Variants in PCDH9 observed in about 807,000 individuals in gnomAD.
The protein encoded by PCDH9 is protocadherin-9.
Under a neutral mutation model 70.6 loss-of-function variants are expected in PCDH9, and 24 were observed. That is an observed-to-expected ratio of 0.34 (90% confidence interval 0.25 to 0.48). The LOEUF (loss-of-function observed/expected upper bound fraction) is 0.48, where lower values mean the gene tolerates loss of function less well. PCDH9 is among the 20% of genes least tolerant of loss of function. The probability of loss-of-function intolerance (pLI) is 0.99; values close to 1 mark genes in which losing one functional copy is unlikely to be tolerated. For synonymous variants in PCDH9, 562 were observed against 558.5 expected (o/e 1.01, Z -0.09); for missense variants, 1,281 against 1,503.6 (o/e 0.85, Z 2.45).
rs75432155 is a variant in PCDH9, at chr13:66,498,943, G to A, written c.3340+132267C>T. Among the ~76,000 whole-genome samples the A allele has an allele frequency of 5.0e-3, 752 of 151,348 alleles. 32 individuals carry two copies. In the East Asian group the frequency reaches 0.092, roughly 18 times the overall value. The stretch of plus-strand genomic sequence containing the variant: ...TTCAGATTTAAACATCTAGGATGTC[G>A]TTCTCAAATGTCACATGGCAATAGT... On this transcript the variant is annotated intron_variant, in intron 4 of 4. Coordinates refer to ENST00000377865, the MANE Select transcript of PCDH9 (RefSeq NM_203487.3).
At chr13:66,987,412 A>T (rs142165401) in intron 2 of PCDH9, among the ~76,000 whole-genome samples, 30 of 152,174 alleles carry the variant, frequency 2.0e-4, no homozygotes, top group African/African-American at 6.7e-4. Context: ...CATGCTGTTG[A>T]TACATTAATT....
chr13:66,911,376 T>C (rs1279843424), intron 2 of PCDH9, among the ~76,000 whole-genome samples: 1 of 152,180 alleles, frequency 6.6e-6, no homozygotes, highest in African/African-American at 2.4e-5. Flanking sequence ...TTACTATACT[T>C]CTAACCTCTC....
At chr13:66,711,964 C>T (rs1045065922) in intron 3 of PCDH9, among the ~76,000 whole-genome samples, 11 of 152,156 alleles carry the variant, frequency 7.2e-5, no homozygotes, top group African/African-American at 2.7e-4. Flanking sequence ...TATGACATTG[C>T]ATGATCCCTT....
intron 4 of PCDH9, among the ~76,000 whole-genome samples, chr13:66,370,285 G>A (rs1385077948): frequency 1.3e-5 from 2 of 151,896 alleles, no homozygotes; most frequent in Non-Finnish European, 2.9e-5. Flanking sequence ...CTGTGGGAGA[G>A]TAGAAGCTTA....
In PCDH9 at chr13:66,407,815, G is replaced by GA. The variant is rs570988793; in HGVS notation, c.3341-102788dup. 3.1e-3 allele frequency among the ~76,000 whole-genome samples: 476 copies of GA among 151,960 alleles called. 4 individuals are homozygous for GA. The highest frequency in any genetic ancestry group is 0.011 in the African/African-American group (453 of 41,472). On this transcript the variant is annotated intron_variant, in intron 4 of 4. Transcript: ENST00000377865. Reference sequence around the variant, plus strand: ...AAATTTTTATTTTTTTAGACACTGGGAAAAAAATCCCTCTGATGGCTCTCT... The same window carrying GA: ...AAATTTTTATTTTTTTAGACACTGGGAAAAAAAATCCCTCTGATGGCTCTCT...
chr13:66,685,839 C>T (rs1478538082), intron 3 of PCDH9, among the ~76,000 whole-genome samples: 1 of 152,110 alleles, frequency 6.6e-6, no homozygotes, highest in African/African-American at 2.4e-5. Flanking sequence ...TTGCATAGGG[C>T]CTGTAGCCCC....
intron 3 of PCDH9, among the ~76,000 whole-genome samples, chr13:66,777,520 A>G (rs2079917347): frequency 6.6e-6 from 1 of 152,226 alleles, no homozygotes; most frequent in Non-Finnish European, 1.5e-5. Context: ...GCCAAAAAAC[A>G]CATGAAAAAA....
intron 2 of PCDH9, among the ~76,000 whole-genome samples, chr13:67,144,798 T>C (rs896326216): frequency 6.6e-6 from 1 of 152,156 alleles, no homozygotes; most frequent in Non-Finnish European, 1.5e-5. Flanking sequence ...ATACAAATGT[T>C]CTGTAACTCA....
intron 4 of PCDH9, among the ~76,000 whole-genome samples, chr13:66,370,354 G>C (rs1956624046): frequency 6.6e-6 from 1 of 151,862 alleles, no homozygotes; most frequent in Non-Finnish European, 1.5e-5. Flanking sequence ...GGACCTCCCT[G>C]CTACAGTTCT....
At chr13:67,146,858 G>T (rs9529192) in intron 2 of PCDH9, among the ~76,000 whole-genome samples, 10 of 151,920 alleles carry the variant, frequency 6.6e-5, no homozygotes, top group African/African-American at 2.4e-4. Context: ...GAACATTTTC[G>T]TAAAGTAAAT....
intron 2 of PCDH9, among the ~76,000 whole-genome samples, chr13:66,915,304 A>G (rs952335706): frequency 2.6e-5 from 4 of 151,628 alleles, no homozygotes; most frequent in African/African-American, 9.7e-5. Flanking sequence ...GGGATCTTGT[A>G]TTAGCATTCT....
At chr13:66,494,929 A>G (rs1959089740) in intron 4 of PCDH9, among the ~76,000 whole-genome samples, 1 of 152,102 alleles carries the variant, frequency 6.6e-6, no homozygotes, top group South Asian at 2.1e-4. Context: ...TTTGAATATA[A>G]ATGACAGTAA....
At chr13:66,947,853 T>A (rs887422998) in intron 2 of PCDH9, among the ~76,000 whole-genome samples, 1 of 152,082 alleles carries the variant, frequency 6.6e-6, no homozygotes, top group East Asian at 1.9e-4. Flanking sequence ...TGGGAAGCAG[T>A]CAGGTCTCTT....
rs71106978 is a variant in PCDH9, at chr13:66,546,173, T to TA, written c.3340+85036dup. ...TTTAAAGTATACTTCTTCTATTTAT[T>TA]AAAAAAAAAAAAAGTTAACTATAAA... On this transcript the variant is annotated intron_variant, in intron 4 of 4. Transcript: ENST00000377865. Among the ~76,000 whole-genome samples the TA allele has an allele frequency of 9.3e-4, 136 of 146,188 alleles. 1 individual carries two copies. In the South Asian group the frequency reaches 9.8e-3, roughly 11 times the overall value.
chr13:66,752,455 C>T (rs1013708396), intron 3 of PCDH9, among the ~76,000 whole-genome samples: 2 of 152,122 alleles, frequency 1.3e-5, no homozygotes, highest in Non-Finnish European at 2.9e-5. Flanking sequence ...TGCCACCATG[C>T]TCAGCTGTTT....
At chr13:66,599,120 T>C (rs1393300724) in intron 4 of PCDH9, among the ~76,000 whole-genome samples, 1 of 151,866 alleles carries the variant, frequency 6.6e-6, no homozygotes, top group East Asian at 1.9e-4. Context: ...TTAAAAGTTA[T>C]GTTAATATAC....
intron 4 of PCDH9, among the ~76,000 whole-genome samples, chr13:66,549,955 A>G (rs1404528853): frequency 6.6e-6 from 1 of 152,152 alleles, no homozygotes; most frequent in South Asian, 2.1e-4. Context: ...TCTTGAATAG[A>G]AAACAAACTT....
At chr13:66,615,779 C>T (rs1044009312) in intron 4 of PCDH9, among the ~76,000 whole-genome samples, 4 of 152,178 alleles carry the variant, frequency 2.6e-5, no homozygotes, top group Admixed American at 2.6e-4. Context: ...TCAAGGAAAC[C>T]TATTTTGAAC....
chr13:66,753,986 C>A (rs1049035496), intron 3 of PCDH9, among the ~76,000 whole-genome samples: 1 of 152,146 alleles, frequency 6.6e-6, no homozygotes, highest in Non-Finnish European at 1.5e-5. Context: ...CTTAATCATT[C>A]ATTTTCTTCT....
Sources: allele counts gnomAD v4.1 joint callset (sites outside exome capture counted in the v4.1 genomes callset), GRCh38; gene constraint gnomAD v4.1.1; transcripts MANE v1.5; gene names NCBI Gene and HGNC (gene_info 2026-07-23, HGNC 2026-07-21).